The following DDX10 variants were observed in gnomAD, a reference collection of about 807,000 sequenced individuals.
DDX10 encodes DEAD-box helicase 10.
In DDX10, 74 loss-of-function variants were observed where a neutral mutation model predicts 104.3. The observed-to-expected ratio is 0.71, with a 90% CI of 0.59 to 0.86. The LOEUF (loss-of-function observed/expected upper bound fraction) is 0.86, where lower values mean the gene tolerates loss of function less well. Among genes scored for constraint, DDX10 ranks in the 40% least tolerant of loss-of-function variants. The pLI, the probability that DDX10 is intolerant of heterozygous loss-of-function variation, is 0.00. For synonymous variants in DDX10, 351 were observed against 353.4 expected (o/e 0.99, Z 0.08); for missense variants, 952 against 1,040.0 (o/e 0.92, Z 1.16).
intron 17 of DDX10, among the ~76,000 whole-genome samples, chr11:108,934,784 A>G (rs751610615): frequency 6.6e-6 from 1 of 152,170 alleles, no homozygotes; most frequent in Non-Finnish European, 1.5e-5. Flanking sequence ...CCACTTATAT[A>G]ATTTTTAAAA....
intron 17 of DDX10, among the ~76,000 whole-genome samples, chr11:108,932,948 T>A (rs191460630): frequency 6.6e-6 from 1 of 152,030 alleles, no homozygotes; most frequent in Non-Finnish European, 1.5e-5. Context: ...GCATGTCTTA[T>A]GGAACCTGAT....
intron 13 of DDX10, among the ~76,000 whole-genome samples, chr11:108,812,533 G>T (rs979104875): frequency 1.3e-5 from 2 of 152,072 alleles, no homozygotes; most frequent in African/African-American, 4.8e-5. Context: ...AGCTATAATA[G>T]TAAACACTGA....
At chr11:108,823,697 T>C (rs1862356671) in intron 13 of DDX10, among the ~76,000 whole-genome samples, 1 of 152,222 alleles carries the variant, frequency 6.6e-6, no homozygotes, top group Admixed American at 6.5e-5. Flanking sequence ...ACTGAATAGC[T>C]AGTGTTATAT....
intron 13 of DDX10, among the ~76,000 whole-genome samples, chr11:108,726,531 T>C (rs2094305669): frequency 6.6e-6 from 1 of 152,150 alleles, no homozygotes; most frequent in Non-Finnish European, 1.5e-5. Flanking sequence ...AGTTTGTTTT[T>C]TGTAGACTGA....
At chr11:108,811,543 G>A (rs754198762) in intron 13 of DDX10, among the ~76,000 whole-genome samples, 36 of 152,004 alleles carry the variant, frequency 2.4e-4, no homozygotes, top group Admixed American at 7.2e-4. Flanking sequence ...CCATGATCTG[G>A]CATATAGCAC....
At chr11:108,830,509 T>C (rs1862454501) in intron 13 of DDX10, among the ~76,000 whole-genome samples, 1 of 152,224 alleles carries the variant, frequency 6.6e-6, no homozygotes, top group South Asian at 2.1e-4. Flanking sequence ...CAGTTTGATT[T>C]ACTCTTTACT....
chr11:108,725,705 C>G (rs2094304554), intron 13 of DDX10, among the ~76,000 whole-genome samples: 1 of 152,046 alleles, frequency 6.6e-6, no homozygotes, highest in Non-Finnish European at 1.5e-5. Context: ...TATCCTTAAT[C>G]AGATATATTT....
At chr11:108,909,816 T>C (rs1170705345) in intron 16 of DDX10, among the ~76,000 whole-genome samples, 1 of 152,118 alleles carries the variant, frequency 6.6e-6, no homozygotes, top group African/African-American at 2.4e-5. Flanking sequence ...ATGCATTTGA[T>C]GTTAGAAGGC....
chr11:108,854,522 T>C (rs1310515049), intron 16 of DDX10, among the ~76,000 whole-genome samples: 1 of 152,212 alleles, frequency 6.6e-6, no homozygotes. Context: ...CCAGAAGATA[T>C]TTTAATGGTC....
In DDX10 at chr11:108,852,220, A is replaced by G. The variant is rs1322476661; in HGVS notation, c.2304+11A>G. ...AAGAGACAAGCAAAGGTAAGGGTTT[A>G]TATACATTTATTTTTCCAAGCTCTA... On this transcript the variant is annotated intron_variant, in intron 16 of 17. Coordinates refer to ENST00000322536, the MANE Select transcript of DDX10 (RefSeq NM_004398.4). 1.2e-6 allele frequency: 2 copies of G among 1,603,946 alleles called. No homozygotes were observed. The highest frequency in any genetic ancestry group is 3.4e-5 in the Admixed American group (2 of 59,096).
intron 13 of DDX10, among the ~76,000 whole-genome samples, chr11:108,763,365 C>A (rs2094352964): frequency 6.6e-6 from 1 of 152,046 alleles, no homozygotes; most frequent in African/African-American, 2.4e-5. Flanking sequence ...TAATAAGAAT[C>A]CATAGTAACA....
rs199722673 is a variant in DDX10, at chr11:108,915,446, G to T, written c.2305-2427G>T. Among the ~76,000 whole-genome samples, 347 of 96,664 alleles carry T rather than the reference G, an allele frequency of 3.6e-3. 1 individual carries two copies. The highest frequency in any genetic ancestry group is 0.015 in the East Asian group (47 of 3,148). 63.4% of individuals were successfully genotyped at this position (96,664 alleles called of 152,430 possible). On this transcript the variant is annotated intron_variant, in intron 16 of 17. Transcript: ENST00000322536. Reference sequence around the variant, plus strand: ...TAAAAAGGCTTGTTTTTTTTTTTTTGGTTTTTTTTTTTTTGTTTGTTTGTT... The same window carrying T: ...TAAAAAGGCTTGTTTTTTTTTTTTTTGTTTTTTTTTTTTTGTTTGTTTGTT...
chr11:108,899,619 T>C (rs535420957), intron 16 of DDX10, among the ~76,000 whole-genome samples: 10 of 152,262 alleles, frequency 6.6e-5, no homozygotes, highest in African/African-American at 2.4e-4. Context: ...ATTAGAATTA[T>C]TTTGTCATCC....
chr11:108,805,732 C>T (rs1862089182), intron 13 of DDX10, among the ~76,000 whole-genome samples: 2 of 152,078 alleles, frequency 1.3e-5, no homozygotes, highest in Admixed American at 6.6e-5. Flanking sequence ...TGGGGTCTTG[C>T]TTCTACATCC....
intron 13 of DDX10, among the ~76,000 whole-genome samples, chr11:108,751,400 T>C (rs2094338547): frequency 1.3e-5 from 2 of 152,040 alleles, no homozygotes; most frequent in African/African-American, 4.8e-5. Context: ...TTTCCATGAG[T>C]TTGGAATCAA....
intron 16 of DDX10, among the ~76,000 whole-genome samples, chr11:108,887,813 G>A (rs1313869844): frequency 6.6e-6 from 1 of 152,090 alleles, no homozygotes; most frequent in African/African-American, 2.4e-5. Flanking sequence ...CTAGTCCTCA[G>A]GAAGACTGAG....
chr11:108,818,969 C>G (rs1862290150), intron 13 of DDX10, among the ~76,000 whole-genome samples: 1 of 152,174 alleles, frequency 6.6e-6, no homozygotes, highest in South Asian at 2.1e-4. Context: ...ATTTTCCTAA[C>G]TTAACGTTGA....
intron 6 of DDX10, among the ~76,000 whole-genome samples, chr11:108,687,288 T>C (rs1303115584): frequency 6.6e-6 from 1 of 152,150 alleles, no homozygotes; most frequent in Non-Finnish European, 1.5e-5. Flanking sequence ...TGTTGACATA[T>C]GATATGGATC....
intron 17 of DDX10, among the ~76,000 whole-genome samples, chr11:108,933,492 G>A (rs565544851): frequency 1.5e-3 from 231 of 152,274 alleles, no homozygotes; most frequent in Non-Finnish European, 2.3e-3. Context: ...AAGGATAATA[G>A]TTAGATATTA....
Sources: allele counts gnomAD v4.1 joint callset (sites outside exome capture counted in the v4.1 genomes callset), GRCh38; gene constraint gnomAD v4.1.1; transcripts MANE v1.5; gene names NCBI Gene and HGNC (gene_info 2026-07-23, HGNC 2026-07-21).